Variants in PLAC9 observed in about 807,000 individuals in gnomAD.
PLAC9 encodes the protein placenta associated 9, also known as placenta-specific protein 9.
A neutral mutation model predicts 11.5 loss-of-function variants in PLAC9; 12 were observed. That is an observed-to-expected ratio of 1.05 (90% confidence interval 0.67 to 1.69). The LOEUF is 1.69. Among genes scored for constraint, PLAC9 ranks in the 40% most tolerant of loss-of-function variants. PLAC9 has a pLI of 0.00. For synonymous variants in PLAC9, 62 were observed against 58.1 expected (o/e 1.07, Z -0.31); for missense variants, 132 against 130.5 (o/e 1.01, Z -0.06).
intron 2 of PLAC9, among the ~76,000 whole-genome samples, chr10:80,143,457 G>T (rs1166601931): frequency 1.6e-5 from 2 of 128,308 alleles, no homozygotes; most frequent in African/African-American, 6.1e-5. Flanking sequence ...GAGTGCAATG[G>T]TGTGATCTCG....
chr10:80,140,462 G>A (rs1001343229), intron 1 of PLAC9, among the ~76,000 whole-genome samples: 4 of 152,166 alleles, frequency 2.6e-5, no homozygotes, highest in Non-Finnish European at 4.4e-5. Context: ...CCTCTCCGCT[G>A]CTTTCGGCCC....
rs1263188470 is a variant in PLAC9 at position 80,145,018 on chromosome 10, A to G, written c.*108A>G. On this transcript the variant is annotated 3_prime_UTR_variant, in exon 4 of 4. Coordinates refer to ENST00000372263, the MANE Select transcript of PLAC9 (RefSeq NM_001012973.3). ...CTTCCTTAGCTTCATGTGAAATAAA[A>G]GCTATTCTGGTCTCCTCTGTGTCTG... The G allele has an allele frequency of 1.4e-5, 19 of 1,390,638 alleles. No individual in the cohort carries two copies. The highest frequency in any genetic ancestry group is 1.9e-5 in the Non-Finnish European group (19 of 1,001,346). The allele number at this position is 1,390,638 out of a possible 1,614,324, so 86.1% of individuals were successfully genotyped here. A position where few individuals can be genotyped will look rare whatever the true frequency, so the allele number is the denominator to read the frequency against.
In PLAC9 at chr10:80,144,265, G is replaced by C. The variant is rs1315956480; in HGVS notation, c.205G>C (p.Gly69Arg). 15 of 1,613,858 alleles carry C rather than the reference G, an allele frequency of 9.3e-6. No homozygotes were observed. The highest frequency in any genetic ancestry group is 1.3e-5 in the Non-Finnish European group (15 of 1,180,016). Residue 69 changes from glycine (G) to arginine (R), a missense_variant, in exon 3 of 4, where the codon GGC becomes CGC. Coordinates refer to ENST00000372263, the MANE Select transcript of PLAC9 (RefSeq NM_001012973.3). ...TVDHLGTEVKGLLGLLEELAW... is the reference protein window; with the variant it reads ...TVDHLGTEVKRLLGLLEELAW... ...GGATCACCTGGGGACAGAGGTGAAA[G>C]GCCTGCTGGGCCTGCTGGAGGAGCT...
chr10:80,138,080 G>A (rs1844999913), intron 1 of PLAC9, among the ~76,000 whole-genome samples: 2 of 152,164 alleles, frequency 1.3e-5, no homozygotes. Flanking sequence ...AATGGCTGCT[G>A]CTTTCTGCTG....
At chr10:80,138,250 T>C (rs1156453988) in intron 1 of PLAC9, among the ~76,000 whole-genome samples, 7 of 152,070 alleles carry the variant, frequency 4.6e-5, no homozygotes, top group Non-Finnish European at 8.8e-5. Context: ...CACGCATGCC[T>C]CTCCACCATC....
At chr10:80,142,203 A>G (rs201979238) in intron 2 of PLAC9, 24 bp downstream of exon 2, 4 of 1,574,936 alleles carry the variant, frequency 2.5e-6, no homozygotes, top group Admixed American at 3.4e-5. Context: ...TTGGAAGGAC[A>G]TGCGAGTTCA....
chr10:80,140,741 C>G (rs1845030731), intron 1 of PLAC9, among the ~76,000 whole-genome samples: 1 of 152,142 alleles, frequency 6.6e-6, no homozygotes, highest in South Asian at 2.1e-4. Context: ...ACCATGTTAG[C>G]CAGGATGGTC....
In PLAC9 at chr10:80,136,187, C is replaced by T. The variant is rs566537750; in HGVS notation, c.64+3361C>T. Among the ~76,000 whole-genome samples the T allele has an allele frequency of 2.6e-3, 399 of 152,300 alleles. 2 individuals carry two copies. Among genetic ancestry groups the T allele is most frequent in the Non-Finnish European group, 3.9e-3 (263 of 68,038 alleles). ...CTGGGGCCTCCGGGCTCCACAGCAG[C>T]GTGTTCTCACCAGCACAGGATGCCC... is the stretch of plus-strand genomic sequence containing the variant. On this transcript the variant is annotated intron_variant, in intron 1 of 3. Coordinates refer to ENST00000372263, the MANE Select transcript of PLAC9 (RefSeq NM_001012973.3).
chr10:80,142,788 G>A (rs537855971), intron 2 of PLAC9, among the ~76,000 whole-genome samples: 5 of 152,054 alleles, frequency 3.3e-5, no homozygotes, highest in East Asian at 3.9e-4. Flanking sequence ...GTGCAGTCTC[G>A]GCTCACTGCA....
At chr10:80,141,512 T>A (rs1029791087) in intron 1 of PLAC9, among the ~76,000 whole-genome samples, 2 of 152,100 alleles carry the variant, frequency 1.3e-5, no homozygotes, top group African/African-American at 4.8e-5. Context: ...GGCAGGAGAA[T>A]CGCTTGAACC....
intron 1 of PLAC9, 73 bp downstream of exon 1, chr10:80,132,899 G>T: frequency 3.2e-6 from 4 of 1,244,556 alleles, no homozygotes; most frequent in South Asian, 1.5e-5. Flanking sequence ...AGGAATGAGC[G>T]AGAGAGACGG....
chr10:80,134,140 C>T (rs557269277), intron 1 of PLAC9, among the ~76,000 whole-genome samples: 14 of 151,714 alleles, frequency 9.2e-5, no homozygotes, highest in South Asian at 4.2e-4. Flanking sequence ...TACTTATCAA[C>T]GCTGCTTCAA....
intron 1 of PLAC9, among the ~76,000 whole-genome samples, chr10:80,138,710 G>C (rs558827983): frequency 5.3e-5 from 8 of 152,152 alleles, no homozygotes; most frequent in Non-Finnish European, 1.0e-4. Flanking sequence ...GCCTCTCAGA[G>C]TTACACATCC....
chr10:80,140,817 C>T (rs1202225217), intron 1 of PLAC9, among the ~76,000 whole-genome samples: 1 of 152,218 alleles, frequency 6.6e-6, no homozygotes, highest in Non-Finnish European at 1.5e-5. Context: ...GTGTGAGCCA[C>T]CATGCCTGGC....
In PLAC9 at chr10:80,144,959, G is replaced by C; in HGVS notation, c.*49G>C. 6.4e-7 allele frequency: 1 copy of C among 1,561,682 alleles called. No homozygotes were observed. Among genetic ancestry groups the C allele is most frequent in the Non-Finnish European group, 8.7e-7 (1 of 1,151,644 alleles). On this transcript the variant is annotated 3_prime_UTR_variant, in exon 4 of 4. Coordinates refer to ENST00000372263, the MANE Select transcript of PLAC9 (RefSeq NM_001012973.3). Reference sequence around the variant, plus strand: ...TTGGAGGTGGTGCACCTGCCAGGCAGCGCCCACAGAACCAGCCCTGTCCTC... The same window carrying C: ...TTGGAGGTGGTGCACCTGCCAGGCACCGCCCACAGAACCAGCCCTGTCCTC...
At chr10:80,144,469 C>T in intron 3 of PLAC9, 126 bp downstream of exon 3, 2 of 1,315,888 alleles carry the variant, frequency 1.5e-6, no homozygotes, top group Non-Finnish European at 2.0e-6. Context: ...CCCAGCGCTC[C>T]CTGGGGACGG....
chr10:80,142,060 G>T, intron 1 of PLAC9, 22 bp from the exon 2 acceptor site: 1 of 1,596,700 alleles, frequency 6.3e-7, no homozygotes, highest in South Asian at 1.1e-5. Context: ...GTCCCACAGT[G>T]ACAAGACTTG....
intron 1 of PLAC9, among the ~76,000 whole-genome samples, chr10:80,138,982 A>C (rs1425944981): frequency 2.3e-5 from 3 of 131,502 alleles, no homozygotes; most frequent in Non-Finnish European, 4.6e-5. Context: ...GACGGAGTCT[A>C]GCTCTGTCAC....
chr10:80,135,529 G>C (rs532886816), intron 1 of PLAC9, among the ~76,000 whole-genome samples: 11 of 150,658 alleles, frequency 7.3e-5, no homozygotes, highest in Non-Finnish European at 1.5e-4. Context: ...GGCTGCGGGG[G>C]AGTTTCACCA....
Sources: gnomAD v4.1 joint callset for allele counts (sites outside exome capture counted in the v4.1 genomes callset) on GRCh38, gnomAD v4.1.1 for gene constraint, MANE v1.5 for transcripts, NCBI Gene and HGNC (gene_info 2026-07-23, HGNC 2026-07-21) for gene names.